Variants in ZNRF1 observed in about 807,000 individuals in gnomAD.
The protein encoded by ZNRF1 is zinc and ring finger 1, also known as E3 ubiquitin-protein ligase ZNRF1.
ZNRF1 carries 3 observed loss-of-function variants against 18.4 expected under a neutral mutation model. That is an observed-to-expected ratio of 0.16 (90% CI 0.07 to 0.42). ZNRF1 has a LOEUF of 0.42. ZNRF1 is among the 10% of genes least tolerant of loss of function. The pLI, the probability that ZNRF1 is intolerant of heterozygous loss-of-function variation, is 0.99. For missense variants in ZNRF1, 310 were observed against 329.8 expected (o/e 0.94, Z 0.47); for synonymous variants, 157 against 144.2 (o/e 1.09, Z -0.64).
At chr16:75,051,854 T>C (rs893322750) in intron 1 of ZNRF1, among the ~76,000 whole-genome samples, 1 of 152,174 alleles carries the variant, frequency 6.6e-6, no homozygotes, top group Admixed American at 6.5e-5. Flanking sequence ...TCATCACAAA[T>C]CTATTCATCT....
intron 1 of ZNRF1, among the ~76,000 whole-genome samples, chr16:75,034,485 A>G (rs887943594): frequency 6.6e-6 from 1 of 152,216 alleles, no homozygotes; most frequent in African/African-American, 2.4e-5. Flanking sequence ...CTTTTTATGT[A>G]CATAACACAT....
At chr16:75,001,089 A>T (rs1405064134) in intron 1 of ZNRF1, among the ~76,000 whole-genome samples, 1 of 152,146 alleles carries the variant, frequency 6.6e-6, no homozygotes, top group African/African-American at 2.4e-5. Context: ...GGGGGCCGCT[A>T]TTTGCTAATT....
intron 1 of ZNRF1, among the ~76,000 whole-genome samples, chr16:75,035,643 A>G (rs2035367621): frequency 6.6e-6 from 1 of 152,180 alleles, no homozygotes; most frequent in Non-Finnish European, 1.5e-5. Flanking sequence ...TGAGAGATCA[A>G]ATGCACGGTT....
intron 1 of ZNRF1, among the ~76,000 whole-genome samples, chr16:75,081,067 G>T (rs1487342097): frequency 6.6e-6 from 1 of 151,756 alleles, no homozygotes; most frequent in African/African-American, 2.4e-5. Context: ...CAGCTACTCC[G>T]GAGGCTGAGA....
Position 75,108,778 on chromosome 16 carries a change from C to G in ZNRF1, c.*1078C>G, listed in dbSNP as rs965539686. 5 of 377,134 alleles carry G rather than the reference C, an allele frequency of 1.3e-5. No individual in the cohort carries two copies. Among genetic ancestry groups the G allele is most frequent in the Non-Finnish European group, 2.3e-5 (5 of 214,050 alleles). 23.4% of individuals were successfully genotyped at this position (377,134 alleles called of 1,614,324 possible). A position where few individuals can be genotyped will look rare whatever the true frequency, so the allele number is the denominator to read the frequency against. On this transcript the variant is annotated 3_prime_UTR_variant, in exon 5 of 5. Coordinates refer to ENST00000335325, the MANE Select transcript of ZNRF1 (RefSeq NM_032268.5). ...GAAATGGGGGCAAGGGCCTGCCCCC[C>G]ACTCCCTCACCTACCTCCTTAGCAT...
intron 2 of ZNRF1, among the ~76,000 whole-genome samples, chr16:75,096,907 G>C (rs1256768305): frequency 2.6e-5 from 4 of 152,136 alleles, no homozygotes; most frequent in Non-Finnish European, 5.9e-5. Context: ...CTAGTGCCTG[G>C]TGCTCCGAGG....
At chr16:75,103,180 G>A (rs567154372) in intron 2 of ZNRF1, among the ~76,000 whole-genome samples, 3 of 152,228 alleles carry the variant, frequency 2.0e-5, no homozygotes, top group African/African-American at 7.2e-5. Flanking sequence ...CACTGTCGCC[G>A]GCACGCAGAA....
At chr16:75,079,513 C>T (rs936452393) in intron 1 of ZNRF1, among the ~76,000 whole-genome samples, 4 of 152,030 alleles carry the variant, frequency 2.6e-5, no homozygotes, top group East Asian at 1.9e-4. Context: ...TTTGACCCAT[C>T]GGTCAGGCCC....
Position 75,108,857 on chromosome 16 carries a change from C to A in ZNRF1, c.*1157C>A. The stretch of plus-strand genomic sequence containing the variant: ...GTGTGTGAATTGGTCCTCAGATAGT[C>A]AGGCCTGGGTGGAGGGAGTGGCAAG... On this transcript the variant is annotated 3_prime_UTR_variant, in exon 5 of 5. Transcript: ENST00000335325. 1 of 305,556 alleles carries A rather than the reference C, an allele frequency of 3.3e-6. No individual in the cohort carries two copies. Among genetic ancestry groups the A allele is most frequent in the Admixed American group, 5.1e-5 (1 of 19,774 alleles). The allele number at this position is 305,556 out of a possible 1,614,324, so 18.9% of individuals were successfully genotyped here.
At chr16:75,091,218 G>A (rs1208407063) in intron 1 of ZNRF1, among the ~76,000 whole-genome samples, 1 of 152,018 alleles carries the variant, frequency 6.6e-6, no homozygotes, top group African/African-American at 2.4e-5. Context: ...AATTAGCCAG[G>A]CATGGTGGCG....
At chr16:75,021,993 G>A (rs934472001) in intron 1 of ZNRF1, among the ~76,000 whole-genome samples, 5 of 152,018 alleles carry the variant, frequency 3.3e-5, no homozygotes, top group Admixed American at 2.6e-4. Context: ...AAACTCTTTT[G>A]TATTTTCCAG....
rs202228461 is a variant in ZNRF1 at position 75,104,851 on chromosome 16, G to A, written c.588G>A (p.Thr196=). 2.2e-5 allele frequency: 36 copies of A among 1,610,002 alleles called. No homozygotes were observed. Among genetic ancestry groups the A allele is most frequent in the Middle Eastern group, 1.7e-4 (1 of 6,036 alleles). ...TGGAGGAGCTGCTGCAGGGGGACAC[G>A]ATAGCCAGGCTGCCCTGCCTGTGCA... ...ICLEELLQGD[T]IARLPCLCIY... is the part of the protein sequence containing the mutation. The change falls in exon 3 of 5, where the codon ACG becomes ACA. Residue 196 remains threonine (T), a synonymous_variant. Coordinates refer to ENST00000335325, the MANE Select transcript of ZNRF1 (RefSeq NM_032268.5).
intron 1 of ZNRF1, among the ~76,000 whole-genome samples, chr16:75,025,100 C>T (rs998210015): frequency 1.3e-5 from 2 of 152,042 alleles, no homozygotes; most frequent in Admixed American, 6.6e-5. Context: ...CAGAGTTGCA[C>T]TCTGTTGCCC....
intron 1 of ZNRF1, among the ~76,000 whole-genome samples, chr16:75,021,349 T>C (rs1309514269): frequency 3.9e-5 from 6 of 152,204 alleles, no homozygotes; most frequent in African/African-American, 1.4e-4. Context: ...TCCCCTTTGC[T>C]TTTATACCCT....
At chr16:75,093,797 A>G (rs1242512538) in intron 2 of ZNRF1, 130 bp downstream of exon 2, 2 of 660,596 alleles carry the variant, frequency 3.0e-6, no homozygotes, top group South Asian at 3.5e-5. Context: ...GGTGTGCCTC[A>G]GTGGTGGTGA....
rs374414349 is a variant in ZNRF1, at chr16:75,077,165, G to C, written c.425-16407G>C. ...CTCAGCACTTTGGGAGGCCAAGGTGGGCGGACCACGAGGTCAGGAGATCGA... is the reference window on the plus strand; with the variant it reads ...CTCAGCACTTTGGGAGGCCAAGGTGCGCGGACCACGAGGTCAGGAGATCGA... On this transcript the variant is annotated intron_variant, in intron 1 of 4. Coordinates refer to ENST00000335325, the MANE Select transcript of ZNRF1 (RefSeq NM_032268.5). Among the ~76,000 whole-genome samples, 5 of 152,284 alleles carry C rather than the reference G, an allele frequency of 3.3e-5. No homozygotes were observed. In the South Asian group the frequency reaches 1.0e-3, roughly 32 times the overall value.
chr16:75,037,638 C>T (rs1236608976), intron 1 of ZNRF1, among the ~76,000 whole-genome samples: 2 of 152,112 alleles, frequency 1.3e-5, no homozygotes, highest in African/African-American at 4.8e-5. Flanking sequence ...ATTCCTGGCC[C>T]ACTCTTCTTG....
chr16:75,005,522 G>A (rs757046172), intron 1 of ZNRF1, among the ~76,000 whole-genome samples: 1 of 152,092 alleles, frequency 6.6e-6, no homozygotes, highest in Non-Finnish European at 1.5e-5. Flanking sequence ...TACATATGTG[G>A]TATTCACCCC....
Position 75,003,343 on chromosome 16 carries a change from C to T in ZNRF1, c.424+3248C>T, listed in dbSNP as rs574098990. On this transcript the variant is annotated intron_variant, in intron 1 of 4. Coordinates refer to ENST00000335325, the MANE Select transcript of ZNRF1 (RefSeq NM_032268.5). ...TATGGTTTGCCTAAAGTCTAAGCTC[C>T]GTGAGAGCAGGACTGTGTTCCTTGA... Among the ~76,000 whole-genome samples, 35 of 152,306 alleles carry T rather than the reference C, an allele frequency of 2.3e-4. No individual in the cohort carries two copies. The East Asian group carries it at 3.1e-3, about 13-fold the overall frequency.
Sources: gnomAD v4.1 joint callset for allele counts (sites outside exome capture counted in the v4.1 genomes callset) on GRCh38, gnomAD v4.1.1 for gene constraint, MANE v1.5 for transcripts, NCBI Gene and HGNC (gene_info 2026-07-23, HGNC 2026-07-21) for gene names.